ARHGEF12: variants seen among roughly 807,000 people sequenced by gnomAD.
ARHGEF12 encodes the protein Rho guanine nucleotide exchange factor 12.
Under a neutral mutation model 211.2 loss-of-function variants are expected in ARHGEF12, and 66 were observed. That is an observed-to-expected ratio of 0.31 (90% CI 0.26 to 0.38). ARHGEF12 has a LOEUF of 0.38. ARHGEF12 is among the 10% of genes least tolerant of loss of function. The pLI is 1.00. For missense variants in ARHGEF12, 1,429 were observed against 1,869.5 expected (o/e 0.76, Z 4.34); for synonymous variants, 592 against 638.4 (o/e 0.93, Z 1.09).
At chr11:120,437,464 T>C in intron 12 of ARHGEF12, 82 bp downstream of exon 12, 1 of 915,152 alleles carries the variant, frequency 1.1e-6, no homozygotes, top group East Asian at 3.0e-5. Context: ...ATCTGATGTT[T>C]ACATATTTTA....
At chr11:120,399,343 A>G (rs967860103) in intron 1 of ARHGEF12, among the ~76,000 whole-genome samples, 1,760 of 147,806 alleles carry the variant, frequency 0.012, 60 homozygotes, top group African/African-American at 0.041. Flanking sequence ...AAAAAAAAAA[A>G]AAAAAAAAGA....
rs748358547 is a variant in ARHGEF12 at position 120,459,248 on chromosome 11, A to C, written c.2455A>C (p.Arg819=). The change falls in exon 26 of 41, where the codon AGA becomes CGA. Residue 819 remains arginine (R), a synonymous_variant. Transcript: ENST00000397843. ...TCAAGTGTTCTATCAGCGAGTATCC[A>C]GAGAAGGAATTCTGTCACCCTCAGA... The part of the protein sequence containing the change: ...LDQVFYQRVS[R]EGILSPSELR... 1 of 1,613,654 alleles carries C rather than the reference A, an allele frequency of 6.2e-7. No homozygotes were observed. The highest frequency in any genetic ancestry group is 8.5e-7 in the Non-Finnish European group (1 of 1,179,846).
At chr11:120,437,510 A>G (rs941686335) in intron 12 of ARHGEF12, 128 bp downstream of exon 12, 18 of 542,646 alleles carry the variant, frequency 3.3e-5, no homozygotes, top group South Asian at 1.7e-4. Flanking sequence ...AAAATTTATT[A>G]AAGAAACTTA....
Position 120,446,510 on chromosome 11 carries a change from T to C in ARHGEF12, c.1451+2T>C. On this transcript the variant is annotated splice_donor_variant, in intron 17 of 40. Coordinates refer to ENST00000397843, the MANE Select transcript of ARHGEF12 (RefSeq NM_015313.3). LOFTEE classifies it high-confidence loss of function. ...TCAAAGGCACTTAGAAGATTTTCGG[T>C]AAGCTTAGTGGTAGATAGAATTTCA... 6.2e-7 allele frequency: 1 copy of C among 1,605,894 alleles called. No individual in the cohort carries two copies. Among genetic ancestry groups the C allele is most frequent in the Non-Finnish European group, 8.5e-7 (1 of 1,174,768 alleles).
chr11:120,481,197 A>G (rs2136008969), intron 38 of ARHGEF12, 63 bp from the exon 39 acceptor site: 1 of 1,457,322 alleles, frequency 6.9e-7, no homozygotes, highest in South Asian at 1.2e-5. Flanking sequence ...TCAGCACACT[A>G]TGCTATTTCT....
rs1463145974 is a variant in ARHGEF12, at chr11:120,489,855, A to G, written c.*4778A>G. 5.4e-6 allele frequency: 1 copy of G among 185,262 alleles called. No homozygotes were observed. Among genetic ancestry groups the G allele is most frequent in the Admixed American group, 6.2e-5 (1 of 16,032 alleles). 11.5% of individuals were successfully genotyped at this position (185,262 alleles called of 1,614,324 possible). On this transcript the variant is annotated 3_prime_UTR_variant, in exon 41 of 41. Transcript: ENST00000397843. Reference sequence around the variant, plus strand: ...TACAGATACATATCTGGTGGAACAAAGAAATACCTGTACCATTCCCACTTG... The same window carrying G: ...TACAGATACATATCTGGTGGAACAAGGAAATACCTGTACCATTCCCACTTG...
chr11:120,429,450 A>G lies in ARHGEF12; in HGVS notation c.596A>G (p.Asn199Ser). The G allele has an allele frequency of 6.2e-7, 1 of 1,613,192 alleles. No individual in the cohort carries two copies. Among genetic ancestry groups the G allele is most frequent in the African/African-American group, 1.3e-5 (1 of 75,042 alleles). The change falls in exon 9 of 41, where the codon AAT (asparagine) becomes AGT (serine). Residue 199 changes from asparagine to serine, a missense_variant. By Grantham distance (46) the Asn-to-Ser change is conservative. Transcript: ENST00000397843. Reference sequence around the variant, plus strand: ...CTTTTTCTTTTCTAGGAGGAAAACAATGTGGTTCATAACCAGAAAGTAGAA... The same window carrying G: ...CTTTTTCTTTTCTAGGAGGAAAACAGTGTGGTTCATAACCAGAAAGTAGAA... ...TSPVLMGEEN[N>S]VVHNQKVEIL... is the part of the protein sequence containing the mutation.
intron 30 of ARHGEF12, among the ~76,000 whole-genome samples, chr11:120,471,579 C>G (rs992601346): frequency 3.6e-4 from 55 of 152,134 alleles, no homozygotes; most frequent in African/African-American, 1.2e-3. Flanking sequence ...ATGGAACATA[C>G]ACTTGAAATG....
Position 120,457,267 on chromosome 11 carries a change from T to G in ARHGEF12, c.2189+17T>G. On this transcript the variant is annotated intron_variant, in intron 23 of 40. Transcript: ENST00000397843. Reference sequence around the variant, plus strand: ...AGTAGAAAGGTAATTCAGTGATCTCTTAGAGAAGCTTAGGGCATTACTTAA... The same window carrying G: ...AGTAGAAAGGTAATTCAGTGATCTCGTAGAGAAGCTTAGGGCATTACTTAA... 2 of 1,612,760 alleles carry G rather than the reference T, an allele frequency of 1.2e-6. No individual in the cohort carries two copies. The highest frequency in any genetic ancestry group is 1.3e-5 in the African/African-American group (1 of 74,980).
intron 13 of ARHGEF12, among the ~76,000 whole-genome samples, chr11:120,441,414 G>C (rs1041812330): frequency 6.6e-6 from 1 of 152,052 alleles, no homozygotes; most frequent in Non-Finnish European, 1.5e-5. Context: ...AGAAATGTTA[G>C]ACTGTTTTTT....
intron 1 of ARHGEF12, among the ~76,000 whole-genome samples, chr11:120,386,502 C>T (rs1013679617): frequency 1.3e-5 from 2 of 151,980 alleles, no homozygotes; most frequent in Middle Eastern, 3.2e-3. Context: ...TACTGTTTGC[C>T]ACATTTTGAA....
chr11:120,394,119 C>G (rs937748115), intron 1 of ARHGEF12, among the ~76,000 whole-genome samples: 19 of 151,830 alleles, frequency 1.3e-4, no homozygotes, highest in Admixed American at 2.0e-4. Flanking sequence ...AATGAAAACA[C>G]AACATATCAG....
rs1852408590 is a variant in ARHGEF12 at position 120,440,111 on chromosome 11, T to G, written c.1000-18T>G. The G allele has an allele frequency of 2.5e-6, 4 of 1,584,932 alleles. No individual in the cohort carries two copies. Among genetic ancestry groups the G allele is most frequent in the Non-Finnish European group, 3.4e-6 (4 of 1,161,852 alleles). ...CCACCAGGTAATTTTTCTGTTTCTT[T>G]TCCCTGAATGTTGCCAGGACACTCA... is the stretch of plus-strand genomic sequence containing the variant. On this transcript the variant is annotated intron_variant, in intron 12 of 40. Coordinates refer to ENST00000397843, the MANE Select transcript of ARHGEF12 (RefSeq NM_015313.3).
At chr11:120,435,601 G>A (rs570980165) in intron 11 of ARHGEF12, among the ~76,000 whole-genome samples, 86 of 137,566 alleles carry the variant, frequency 6.3e-4, no homozygotes, top group Non-Finnish European at 1.0e-3. Flanking sequence ...TGCAACCTCC[G>A]CCTCCCGGGT....
chr11:120,477,018 A>T, intron 34 of ARHGEF12: 1 of 598,930 alleles, frequency 1.7e-6, no homozygotes, highest in Non-Finnish European at 2.9e-6. Context: ...CTTAAGGTAT[A>T]GTTTTGGACT....
At chr11:120,446,075 G>C (rs1214327349) in intron 16 of ARHGEF12, among the ~76,000 whole-genome samples, 3 of 151,604 alleles carry the variant, frequency 2.0e-5, no homozygotes, top group Non-Finnish European at 4.4e-5. Flanking sequence ...GCGGGCGCCT[G>C]TTGTCTCAGC....
chr11:120,440,311 TA>T, intron 13 of ARHGEF12, 90 bp downstream of exon 13: 1 of 1,066,866 alleles, frequency 9.4e-7, no homozygotes, highest in Non-Finnish European at 1.4e-6. Context: ...GAGATTAAGA[TA>T]ACATTTGTAA....
intron 11 of ARHGEF12, among the ~76,000 whole-genome samples, chr11:120,434,133 AATGATTTGGTGTAAAGAGGGAG>A (rs1945628277): frequency 6.6e-6 from 1 of 152,200 alleles, no homozygotes. Flanking sequence ...ATCTGTGGAA[AATGATTTGGTGTAAAGAGGGAG>A]ATCTGTAAGA....
intron 6 of ARHGEF12, among the ~76,000 whole-genome samples, chr11:120,422,874 T>C (rs1256779258): frequency 1.3e-5 from 2 of 152,176 alleles, no homozygotes; most frequent in Admixed American, 1.3e-4. Context: ...GAAATAGATT[T>C]TGAATTCAGA....
Sources: allele counts gnomAD v4.1 joint callset (sites outside exome capture counted in the v4.1 genomes callset), GRCh38; gene constraint gnomAD v4.1.1; transcripts MANE v1.5; gene names NCBI Gene and HGNC (gene_info 2026-07-23, HGNC 2026-07-21).